EYS: variants seen among roughly 807,000 people sequenced by gnomAD.
The protein encoded by EYS is EGF-like photoreceptor maintenance factor, also known as protein eyes shut homolog.
EYS carries 250 observed loss-of-function variants against 282.1 expected under a neutral mutation model. The ratio of observed to expected loss-of-function variants is 0.89; its 90% CI spans 0.80 to 0.98. The LOEUF is 0.98. Ranked by LOEUF, EYS falls within the 50% of genes least tolerant of loss-of-function variation. EYS has a pLI of 0.00. For missense variants in EYS, 4,016 were observed against 3,709.0 expected (o/e 1.08, Z -2.15); for synonymous variants, 1,355 against 1,282.9 (o/e 1.06, Z -1.20).
intron 30 of EYS, among the ~76,000 whole-genome samples, chr6:64,249,765 C>T (rs1015429437): frequency 7.9e-5 from 12 of 152,092 alleles, no homozygotes; most frequent in Admixed American, 2.0e-4. Context: ...ATGCATCTAC[C>T]GCAAACTTGT....
intron 18 of EYS, among the ~76,000 whole-genome samples, chr6:64,901,829 G>A (rs903256812): frequency 6.6e-6 from 1 of 151,916 alleles, no homozygotes; most frequent in Admixed American, 6.6e-5. Context: ...AATTTCGGGA[G>A]ACTCTACACA....
intron 29 of EYS, among the ~76,000 whole-genome samples, chr6:64,312,666 G>A (rs775493946): frequency 2.0e-5 from 3 of 152,184 alleles, no homozygotes; most frequent in African/African-American, 7.2e-5. Flanking sequence ...CCTCTGGGAC[G>A]AAGCTTCCAG....
intron 22 of EYS, among the ~76,000 whole-genome samples, chr6:64,800,133 G>T (rs1774493130): frequency 1.3e-5 from 2 of 151,972 alleles, no homozygotes; most frequent in South Asian, 4.1e-4. Flanking sequence ...AAGGCAAGAA[G>T]AATTTTCAGC....
chr6:65,562,606 G>A (rs572035019), intron 2 of EYS, among the ~76,000 whole-genome samples: 1 of 152,126 alleles, frequency 6.6e-6, no homozygotes, highest in South Asian at 2.1e-4. Flanking sequence ...GTTGGTCAGG[G>A]TGCTCAATTT....
intron 5 of EYS, among the ~76,000 whole-genome samples, chr6:65,440,358 G>A (rs940234241): frequency 1.3e-5 from 2 of 148,646 alleles, no homozygotes; most frequent in African/African-American, 4.9e-5. Flanking sequence ...ATGCATGTTA[G>A]TTTATAAACA....
In EYS at chr6:64,989,462, A is replaced by AATAT. The variant is rs372288581; in HGVS notation, c.2259+8116_2259+8119dup. 3.7e-3 allele frequency among the ~76,000 whole-genome samples: 377 copies of AATAT among 101,164 alleles called. 5 individuals carry two copies. The highest frequency in any genetic ancestry group is 8.7e-3 in the African/African-American group (208 of 23,946). 66.4% of individuals were successfully genotyped at this position (101,164 alleles called of 152,430 possible). A position where few individuals can be genotyped will look rare whatever the true frequency, so the allele number is the denominator to read the frequency against. On this transcript the variant is annotated intron_variant, in intron 14 of 42. Coordinates refer to ENST00000503581, the MANE Select transcript of EYS (RefSeq NM_001142800.2). ...AAGAGGCTATTTACTGGCTAGCTGT[A>AATAT]ATATATATATATATATATATATATA... is the stretch of plus-strand genomic sequence containing the variant.
intron 22 of EYS, among the ~76,000 whole-genome samples, chr6:64,756,356 T>A (rs1204602412): frequency 6.6e-6 from 1 of 152,204 alleles, no homozygotes; most frequent in Non-Finnish European, 1.5e-5. Context: ...ATTTTCAGTC[T>A]GAGACTTTTA....
At chr6:65,584,841 A>T (rs1044888831) in intron 2 of EYS, among the ~76,000 whole-genome samples, 2 of 151,004 alleles carry the variant, frequency 1.3e-5, no homozygotes, top group African/African-American at 4.8e-5. Context: ...ATACACACAA[A>T]TACAATTTAC....
At chr6:63,983,493 A>G (rs1767203223) in intron 35 of EYS, among the ~76,000 whole-genome samples, 2 of 151,554 alleles carry the variant, frequency 1.3e-5, no homozygotes, top group African/African-American at 4.8e-5. Flanking sequence ...GTTTCTGTCT[A>G]CCATTTTTAA....
chr6:64,330,934 C>T (rs1339207541), intron 29 of EYS, among the ~76,000 whole-genome samples: 3 of 152,122 alleles, frequency 2.0e-5, no homozygotes, highest in African/African-American at 7.2e-5. Flanking sequence ...TGTGTGGAAA[C>T]AGTGGATGAG....
chr6:64,590,521 A>C lies in EYS; in HGVS notation c.5346T>G (p.Pro1782=). The C allele has an allele frequency of 6.4e-7, 1 of 1,551,476 alleles. No individual in the cohort carries two copies. Among genetic ancestry groups the C allele is most frequent in the Non-Finnish European group, 8.7e-7 (1 of 1,146,812 alleles). ...CATTGGTGGTGACTTCTGAAAAATCAGGCACTGAGCCTGTCAATGGTGGCA... is the reference window on the plus strand; with the variant it reads ...CATTGGTGGTGACTTCTGAAAAATCCGGCACTGAGCCTGTCAATGGTGGCA... ...NNLPPLTGSV[P]DFSEVTTNVA... Residue 1782 remains proline (P), a synonymous_variant, in exon 26 of 43, where the codon CCT becomes CCG. Coordinates refer to ENST00000503581, the MANE Select transcript of EYS (RefSeq NM_001142800.2).
At chr6:65,518,962 G>A (rs1055766818) in intron 2 of EYS, among the ~76,000 whole-genome samples, 4 of 152,096 alleles carry the variant, frequency 2.6e-5, no homozygotes, top group Non-Finnish European at 5.9e-5. Context: ...AATTCAAGAT[G>A]AGATTTAGGT....
At chr6:64,816,429 T>C (rs939918058) in intron 21 of EYS, among the ~76,000 whole-genome samples, 1 of 152,076 alleles carries the variant, frequency 6.6e-6, no homozygotes, top group Non-Finnish European at 1.5e-5. Context: ...AGTGATGTGG[T>C]TGCTGTTGGT....
chr6:63,888,730 C>G (rs1773330628), intron 35 of EYS, among the ~76,000 whole-genome samples: 1 of 152,236 alleles, frequency 6.6e-6, no homozygotes, highest in African/African-American at 2.4e-5. Flanking sequence ...AATGCCTCTT[C>G]TCCCCCAAAG....
intron 29 of EYS, among the ~76,000 whole-genome samples, chr6:64,314,117 A>G (rs1416955196): frequency 7.0e-6 from 1 of 142,676 alleles, no homozygotes. Flanking sequence ...TGTATTCAGG[A>G]GACCCATTTC....
intron 26 of EYS, among the ~76,000 whole-genome samples, chr6:64,499,349 A>T (rs1776973758): frequency 6.6e-6 from 1 of 152,164 alleles, no homozygotes; most frequent in African/African-American, 2.4e-5. Flanking sequence ...ATTCAACCGA[A>T]CAGAAAATTC....
rs770967329 is a variant in EYS at position 64,302,114 on chromosome 6, C to T, written c.6191+4856G>A. Among the ~76,000 whole-genome samples, 9 of 152,192 alleles carry T rather than the reference C, an allele frequency of 5.9e-5. 1 individual carries two copies. Among genetic ancestry groups the T allele is most frequent in the Non-Finnish European group, 1.2e-4 (8 of 68,036 alleles). On this transcript the variant is annotated intron_variant, in intron 30 of 42. Coordinates refer to ENST00000503581, the MANE Select transcript of EYS (RefSeq NM_001142800.2). ...TTTTTATTACACACATTCGAGCCCA[C>T]AGCTCACTGCCCGGTTTATTGGCTT...
intron 12 of EYS, among the ~76,000 whole-genome samples, chr6:65,164,011 T>C (rs1178842595): frequency 1.3e-5 from 2 of 151,256 alleles, no homozygotes; most frequent in Non-Finnish European, 3.0e-5. Context: ...CCCCATATTA[T>C]TATAATACAG....
chr6:63,980,860 G>A (rs1767056196), intron 35 of EYS, among the ~76,000 whole-genome samples: 1 of 151,856 alleles, frequency 6.6e-6, no homozygotes, highest in Non-Finnish European at 1.5e-5. Flanking sequence ...TCCACTTTAT[G>A]ATATGGCAGC....
Sources: allele counts gnomAD v4.1 joint callset (sites outside exome capture counted in the v4.1 genomes callset), GRCh38; gene constraint gnomAD v4.1.1; transcripts MANE v1.5; gene names NCBI Gene and HGNC (gene_info 2026-07-23, HGNC 2026-07-21).